Variants in LZTFL1 observed in about 807,000 individuals in gnomAD.
LZTFL1 encodes leucine zipper transcription factor like 1.
A neutral mutation model predicts 45.9 loss-of-function variants in LZTFL1; 25 were observed. The observed-to-expected ratio is 0.54, with a 90% confidence interval of 0.40 to 0.76. LZTFL1 has a LOEUF of 0.76. Among genes scored for constraint, LZTFL1 ranks in the 30% least tolerant of loss-of-function variants. The pLI, the probability that LZTFL1 is intolerant of heterozygous loss-of-function variation, is 0.00. For missense variants in LZTFL1, 277 were observed against 331.1 expected, an observed-to-expected ratio of 0.84 and a Z score of 1.27; for synonymous variants, 93 against 117.4, an observed-to-expected ratio of 0.79 and a Z score of 1.35.
rs1257696868 is a variant in LZTFL1, at chr3:45,900,698, C to T, written c.-215+12422G>A. ...CCTCAGAATGCCTATGTGTCTTTGG[C>T]CTTATCATAGGTGTTTGGGGTTGGA... On this transcript the variant is annotated intron_variant, in intron 2 of 4. Transcript: ENST00000472635. The surrounding 1 kb of genome is among the most constrained non-coding windows in gnomAD (Gnocchi z 4.7). 4 of 1,050,414 alleles carry T rather than the reference C, an allele frequency of 3.8e-6. No individual in the cohort carries two copies. The highest frequency in any genetic ancestry group is 5.5e-6 in the Non-Finnish European group (4 of 721,408). 65.1% of individuals were successfully genotyped at this position (1,050,414 alleles called of 1,614,324 possible).
chr3:45,902,171 C>T (rs904723640), intron 2 of LZTFL1: 1 of 334,084 alleles, frequency 3.0e-6, no homozygotes, highest in Non-Finnish European at 5.7e-6. Context: ...CCTGGCTTTG[C>T]CACTCGCCGG....
chr3:45,904,626 C>T (rs981093778), intron 2 of LZTFL1, among the ~76,000 whole-genome samples: 4 of 152,194 alleles, frequency 2.6e-5, no homozygotes, highest in Non-Finnish European at 5.9e-5. Flanking sequence ...TTCCCCCAGG[C>T]CATCGCCATT....
chr3:45,909,127 G>A (rs867995273), intron 2 of LZTFL1, among the ~76,000 whole-genome samples: 47 of 152,316 alleles, frequency 3.1e-4, no homozygotes, highest in South Asian at 1.7e-3. Context: ...CGATGAGATC[G>A]TCTAGTTGCA....
At chr3:45,914,888 C>G (rs1021355035) in intron 1 of LZTFL1, among the ~76,000 whole-genome samples, 2 of 152,218 alleles carry the variant, frequency 1.3e-5, no homozygotes, top group African/African-American at 4.8e-5. Context: ...CCTGCTGGTG[C>G]AGAGGAGCTG....
chr3:45,862,369 G>T (rs1355469803), intron 2 of LZTFL1, among the ~76,000 whole-genome samples: 1 of 152,206 alleles, frequency 6.6e-6, no homozygotes, highest in Non-Finnish European at 1.5e-5. Flanking sequence ...CTGGGATGTG[G>T]TGGCTTCCCT....
chr3:45,845,126 C>T (rs2125697885), upstream of LZTFL1, among the ~76,000 whole-genome samples: 1 of 152,254 alleles, frequency 6.6e-6, no homozygotes, highest in Middle Eastern at 3.4e-3. Context: ...CGCACCAGCT[C>T]CTCTTTCCAT....
chr3:45,828,651 T>C, intron 7 of LZTFL1, 36 bp from the exon 8 acceptor site: 1 of 1,502,640 alleles, frequency 6.7e-7, no homozygotes, highest in Admixed American at 1.8e-5. Context: ...AATTTCATGT[T>C]GATATTCTAA....
At chr3:45,905,395 T>A (rs1702660809) in intron 2 of LZTFL1, among the ~76,000 whole-genome samples, 1 of 152,264 alleles carries the variant, frequency 6.6e-6, no homozygotes, top group East Asian at 1.9e-4. Context: ...TCTTTGACTT[T>A]TATATTATCA....
At chr3:45,908,989 T>C (rs563757660) in intron 2 of LZTFL1, among the ~76,000 whole-genome samples, 1 of 152,254 alleles carries the variant, frequency 6.6e-6, no homozygotes, top group East Asian at 1.9e-4. Context: ...CTTCGCCAAC[T>C]GTCATATCAG....
intron 2 of LZTFL1, chr3:45,897,682 C>T (rs1702402300): frequency 1.1e-5 from 15 of 1,356,482 alleles, no homozygotes; most frequent in Non-Finnish European, 1.5e-5. Context: ...TGCCCCCTCT[C>T]ATTTGTTCCC....
intron 1 of LZTFL1, chr3:45,841,587 C>G (rs907465312): frequency 9.5e-6 from 2 of 210,360 alleles, no homozygotes; most frequent in Non-Finnish European, 1.9e-5. Context: ...GAGAACCCTG[C>G]GTATGTGTTA....
intron 2 of LZTFL1, among the ~76,000 whole-genome samples, chr3:45,859,191 C>A (rs1701441419): frequency 6.6e-6 from 1 of 152,272 alleles, no homozygotes; most frequent in East Asian, 1.9e-4. Context: ...AGATAATTTT[C>A]ATGTAATAAT....
At chr3:45,877,620 A>T (rs912968079) in intron 2 of LZTFL1, among the ~76,000 whole-genome samples, 14 of 151,422 alleles carry the variant, frequency 9.2e-5, no homozygotes, top group Non-Finnish European at 1.8e-4. Flanking sequence ...TCTTTGGTAA[A>T]TTTTTTCCAA....
chr3:45,835,437 A>G lies in LZTFL1; in HGVS notation c.323+153T>C. ...TTAAAAGGGTGCTTAGTGGTACCCA[A>G]GAGATCACTCAGTGACTCAATGCTT... On this transcript the variant is annotated intron_variant, in intron 3 of 9. Coordinates refer to ENST00000296135, the MANE Select transcript of LZTFL1 (RefSeq NM_020347.4). 3 of 643,170 alleles carry G rather than the reference A, an allele frequency of 4.7e-6. No homozygotes were observed. The South Asian group carries it at 5.8e-5, about 12-fold the overall frequency. The allele number at this position is 643,170 out of a possible 1,614,324, so 39.8% of individuals were successfully genotyped here. A position where few individuals can be genotyped will look rare whatever the true frequency, so the allele number is the denominator to read the frequency against.
chr3:45,832,010 C>A (rs1463508122), intron 5 of LZTFL1, among the ~76,000 whole-genome samples: 2 of 152,040 alleles, frequency 1.3e-5, no homozygotes, highest in African/African-American at 2.4e-5. Flanking sequence ...CCGAGGCGGG[C>A]GTATCACAAG....
chr3:45,842,225 G>A (rs959997846), upstream of LZTFL1: 8 of 1,367,964 alleles, frequency 5.8e-6, no homozygotes, highest in Non-Finnish European at 5.8e-6. Flanking sequence ...TGCCACATGC[G>A]CATTGGCTTC....
At chr3:45,827,941 A>G (rs919706046) in intron 8 of LZTFL1, among the ~76,000 whole-genome samples, 3 of 152,130 alleles carry the variant, frequency 2.0e-5, no homozygotes, top group African/African-American at 7.2e-5. Flanking sequence ...GGGCTCAAGC[A>G]ATCCTGCCAT....
chr3:45,874,330 T>C (rs910968533), intron 2 of LZTFL1, among the ~76,000 whole-genome samples: 4 of 152,214 alleles, frequency 2.6e-5, no homozygotes, highest in Non-Finnish European at 4.4e-5. Flanking sequence ...GATGTTATAC[T>C]ATGTTGCTCT....
chr3:45,837,613 TA>T (rs1169306644), intron 2 of LZTFL1, among the ~76,000 whole-genome samples: 1 of 152,232 alleles, frequency 6.6e-6, no homozygotes, highest in Non-Finnish European at 1.5e-5. Flanking sequence ...CTCAAGTAAT[TA>T]AAGTTCTGGA....
Sources: allele counts gnomAD v4.1 joint callset (sites outside exome capture counted in the v4.1 genomes callset), GRCh38; gene constraint gnomAD v4.1.1; non-coding constraint Gnocchi (gnomAD v3.1); transcripts MANE v1.5; gene names NCBI Gene and HGNC (gene_info 2026-07-23, HGNC 2026-07-21).